Variants in PLXNC1 observed in about 807,000 individuals in gnomAD.
PLXNC1 encodes plexin C1, also known as plexin-C1.
Under a neutral mutation model 178.2 loss-of-function variants are expected in PLXNC1, and 75 were observed. The observed-to-expected ratio is 0.42, with a 90% confidence interval of 0.35 to 0.51. The LOEUF is 0.51. PLXNC1 is among the 20% of genes least tolerant of loss of function. PLXNC1 has a pLI of 0.02. For synonymous variants in PLXNC1, 790 were observed against 779.9 expected (o/e 1.01, Z -0.22); for missense variants, 1,503 against 1,984.4 (o/e 0.76, Z 4.61).
At chr12:94,213,202 G>A (rs184433895) in intron 5 of PLXNC1, among the ~76,000 whole-genome samples, 9 of 152,216 alleles carry the variant, frequency 5.9e-5, no homozygotes, top group East Asian at 1.9e-4. Context: ...GATATTTCTA[G>A]TTCTAGATCC....
chr12:94,193,801 G>A (rs1363655857), intron 4 of PLXNC1, among the ~76,000 whole-genome samples: 1 of 152,202 alleles, frequency 6.6e-6, no homozygotes. Flanking sequence ...GGACAGAGGT[G>A]TCGGTTACTG....
intron 1 of PLXNC1, among the ~76,000 whole-genome samples, chr12:94,156,847 A>G (rs138956934): frequency 9.9e-5 from 15 of 151,898 alleles, no homozygotes; most frequent in African/African-American, 3.4e-4. Context: ...AGCTGGGACT[A>G]CAGGCACACA....
rs1290103908 is a variant in PLXNC1 at position 94,306,280 on chromosome 12, A to ATT, written c.*996_*997dup. The stretch of plus-strand genomic sequence containing the variant: ...ATCGAATTGCTGTTCACACTGGAGT[A>ATT]TTATATATAAATATATATATTTGAG... On this transcript the variant is annotated 3_prime_UTR_variant, in exon 31 of 31. Coordinates refer to ENST00000258526, the MANE Select transcript of PLXNC1 (RefSeq NM_005761.3). The ATT allele has an allele frequency of 1.3e-5, 2 of 151,948 alleles. No homozygotes were observed. The highest frequency in any genetic ancestry group is 3.9e-4 in the East Asian group (2 of 5,194). 9.4% of individuals were successfully genotyped at this position (151,948 alleles called of 1,614,324 possible).
intron 4 of PLXNC1, among the ~76,000 whole-genome samples, chr12:94,207,267 T>G: frequency 6.6e-6 from 1 of 152,154 alleles, no homozygotes; most frequent in Non-Finnish European, 1.5e-5. Context: ...TTATGTTTAG[T>G]TGCTTAACAT....
At chr12:94,253,040 G>C (rs1359854219) in intron 15 of PLXNC1, among the ~76,000 whole-genome samples, 6 of 151,530 alleles carry the variant, frequency 4.0e-5, no homozygotes. Flanking sequence ...GTGAAACCCT[G>C]TCTCTACTAA....
Position 94,149,052 on chromosome 12 carries a change from A to C in PLXNC1, c.81A>C (p.Ala27=). 1 of 1,536,320 alleles carries C rather than the reference A, an allele frequency of 6.5e-7. No homozygotes were observed. The highest frequency in any genetic ancestry group is 8.7e-7 in the Non-Finnish European group (1 of 1,149,822). ...TGCCCCTGCTCGCCTATCTGCTGGC[A>C]CTGGCGGCTCCCGGCCGGGGCGCGG... ...APLPLLAYLL[A]LAAPGRGADE... Residue 27 remains alanine (A), a synonymous_variant, in exon 1 of 31, where the codon GCA becomes GCC. Transcript: ENST00000258526.
At chr12:94,282,264 ACT>A (rs761787434) in intron 22 of PLXNC1, 32 bp from the exon 23 acceptor site, 10 of 1,444,924 alleles carry the variant, frequency 6.9e-6, no homozygotes, top group African/African-American at 5.6e-5. Flanking sequence ...GCATTTTAAA[ACT>A]CTCTAAAAAG....
At chr12:94,183,886 G>C (rs1962414880) in intron 3 of PLXNC1, among the ~76,000 whole-genome samples, 1 of 152,204 alleles carries the variant, frequency 6.6e-6, no homozygotes. Flanking sequence ...AGATCCTACT[G>C]TTTGAACTCT....
intron 23 of PLXNC1, among the ~76,000 whole-genome samples, chr12:94,293,670 G>A (rs1286526903): frequency 2.0e-5 from 3 of 152,206 alleles, no homozygotes; most frequent in Non-Finnish European, 4.4e-5. Flanking sequence ...CCAGGCTGGA[G>A]TAGAGTGGCA....
At chr12:94,293,292 A>G (rs754518271) in intron 23 of PLXNC1, among the ~76,000 whole-genome samples, 33 of 152,206 alleles carry the variant, frequency 2.2e-4, no homozygotes, top group Non-Finnish European at 4.1e-4. Context: ...ATCAGGATTT[A>G]TACTTATTTC....
At chr12:94,262,784 A>G in intron 20 of PLXNC1, 1 of 985,024 alleles carries the variant, frequency 1.0e-6, no homozygotes, top group Non-Finnish European at 1.2e-6. Flanking sequence ...CTTCCAAGAC[A>G]CCAAGGATTT....
chr12:94,196,366 GTTGT>G (rs1962913230), intron 4 of PLXNC1, among the ~76,000 whole-genome samples: 2 of 152,086 alleles, frequency 1.3e-5, no homozygotes, highest in African/African-American at 4.8e-5. Context: ...AGGAGATCTG[GTTGT>G]TTAAGAGAGT....
chr12:94,302,205 C>T (rs1484646060), intron 28 of PLXNC1, among the ~76,000 whole-genome samples: 1 of 152,214 alleles, frequency 6.6e-6, no homozygotes, highest in Non-Finnish European at 1.5e-5. Context: ...CTTCAGCCCT[C>T]TTTGCTGGCC....
intron 21 of PLXNC1, among the ~76,000 whole-genome samples, chr12:94,268,391 C>T (rs570886890): frequency 2.0e-5 from 3 of 152,198 alleles, no homozygotes; most frequent in South Asian, 2.1e-4. Context: ...GCCATACTTC[C>T]TCCAGGACCA....
In PLXNC1 at chr12:94,200,538, G is replaced by A. The variant is rs530309916; in HGVS notation, c.1440-9052G>A. 7.2e-5 allele frequency among the ~76,000 whole-genome samples: 11 copies of A among 152,254 alleles called. No homozygotes were observed. The South Asian group carries it at 8.3e-4, about 11-fold the overall frequency. On this transcript the variant is annotated intron_variant, in intron 4 of 30. Transcript: ENST00000258526. ...ATTTGATATTGCTTTCAGGAGGATC[G>A]GGTTTTAATATCATTGCCACCTGTT...
chr12:94,284,690 G>A (rs1433871570), intron 23 of PLXNC1, among the ~76,000 whole-genome samples: 1 of 151,980 alleles, frequency 6.6e-6, no homozygotes, highest in African/African-American at 2.4e-5. Flanking sequence ...GGCCAGATTC[G>A]GACCTGGATA....
In PLXNC1 at chr12:94,237,718, A is replaced by G; in HGVS notation, c.2035A>G (p.Asn679Asp). 1 of 1,613,938 alleles carries G rather than the reference A, an allele frequency of 6.2e-7. No individual in the cohort carries two copies. Among genetic ancestry groups the G allele is most frequent in the Non-Finnish European group, 8.5e-7 (1 of 1,179,798 alleles). ...GAAAGTATCGACATTAGGGAAAAGC[A>G]ACGTGATAGTAACGGGAGCAAACTT... Reference protein sequence around the residue: ...PQKVSTLGKSNVIVTGANFTR... With the variant: ...PQKVSTLGKSDVIVTGANFTR... The change falls in exon 10 of 31, where the codon AAC becomes GAC. Residue 679 changes from asparagine (N) to aspartate (D), a missense_variant. By Grantham distance (23) the Asn-to-Asp change is conservative. This residue lies in a region of PLXNC1 where 615 missense variants were observed against 698.6 expected (regional missense o/e 0.88). Coordinates refer to ENST00000258526, the MANE Select transcript of PLXNC1 (RefSeq NM_005761.3).
At chr12:94,273,407 T>C (rs1380473895) in intron 21 of PLXNC1, among the ~76,000 whole-genome samples, 1 of 152,086 alleles carries the variant, frequency 6.6e-6, no homozygotes, top group Non-Finnish European at 1.5e-5. Flanking sequence ...AGCTTCCTGC[T>C]CACCAGTCTA....
In PLXNC1 at chr12:94,305,725, TG is replaced by T. The variant is rs1968936759; in HGVS notation, c.*445del. 1 of 153,596 alleles carries T rather than the reference TG, an allele frequency of 6.5e-6. No individual in the cohort carries two copies. The highest frequency in any genetic ancestry group is 1.4e-5 in the Non-Finnish European group (1 of 69,124). 9.5% of individuals were successfully genotyped at this position (153,596 alleles called of 1,614,324 possible). A position where few individuals can be genotyped will look rare whatever the true frequency, so the allele number is the denominator to read the frequency against. On this transcript the variant is annotated 3_prime_UTR_variant, in exon 31 of 31. Coordinates refer to ENST00000258526, the MANE Select transcript of PLXNC1 (RefSeq NM_005761.3). ...TGAAATGAGTCATTTGGAAACAAGG[TG>T]GGGGTGTTAGGGCAACCTCGAGGAT...
Sources: allele counts gnomAD v4.1 joint callset (sites outside exome capture counted in the v4.1 genomes callset), GRCh38; gene constraint gnomAD v4.1.1; regional missense constraint gnomAD v4.1.1; transcripts MANE v1.5; gene names NCBI Gene and HGNC (gene_info 2026-07-23, HGNC 2026-07-21).